The following GLIS3 variants were observed in gnomAD, a reference collection of about 807,000 sequenced individuals.
GLIS3 encodes zinc finger protein GLIS3.
A neutral mutation model predicts 78.6 loss-of-function variants in GLIS3; 53 were observed. That is an observed-to-expected ratio of 0.67 (90% CI 0.54 to 0.85). GLIS3 has a LOEUF of 0.85. Ranked by LOEUF, GLIS3 falls within the 40% of genes least tolerant of loss-of-function variation. The probability of loss-of-function intolerance (pLI) is 0.00; values close to 1 mark genes in which losing one functional copy is unlikely to be tolerated. For synonymous variants in GLIS3, 684 were observed against 509.9 expected, an observed-to-expected ratio of 1.34 and a Z score of -4.60; for missense variants, 1,703 against 1,231.1, an observed-to-expected ratio of 1.38 and a Z score of -5.74.
At chr9:4,433,784 G>A in the GLIS3 span, among the ~76,000 whole-genome samples, 4 of 152,204 alleles carry the variant, frequency 2.6e-5, no homozygotes, top group East Asian at 1.9e-4. Flanking sequence ...CTTGCTAGTG[G>A]TGTAATTTGT....
chr9:4,378,602 A>G, the GLIS3 span, among the ~76,000 whole-genome samples: 2 of 151,588 alleles, frequency 1.3e-5, no homozygotes, highest in Admixed American at 6.6e-5. Flanking sequence ...TACAATAACT[A>G]TATATATAAT....
chr9:4,133,512 G>A (rs1833133091), intron 2 of GLIS3, among the ~76,000 whole-genome samples: 1 of 152,124 alleles, frequency 6.6e-6, no homozygotes. Flanking sequence ...ACATAACACA[G>A]TAGCTAAGAG....
chr9:3,853,218 G>T (rs556419650), intron 9 of GLIS3, among the ~76,000 whole-genome samples: 1 of 152,046 alleles, frequency 6.6e-6, no homozygotes, highest in African/African-American at 2.4e-5. Flanking sequence ...AAAGTAAATT[G>T]TTTTTAATGT....
intron 4 of GLIS3, among the ~76,000 whole-genome samples, chr9:3,956,894 C>T (rs1017512491): frequency 1.3e-5 from 2 of 151,922 alleles, no homozygotes; most frequent in Non-Finnish European, 2.9e-5. Context: ...AACTCTCAGG[C>T]ACATCAATAA....
chr9:4,458,319 C>A, the GLIS3 span, among the ~76,000 whole-genome samples: 2 of 152,210 alleles, frequency 1.3e-5, no homozygotes, highest in Non-Finnish European at 2.9e-5. Flanking sequence ...AGTGACAAGG[C>A]AAAGGTCTCC....
chr9:3,917,256 T>G (rs1200792461), intron 6 of GLIS3, among the ~76,000 whole-genome samples: 3 of 152,196 alleles, frequency 2.0e-5, no homozygotes. Context: ...GGTACCAGCA[T>G]GTCATAGGAG....
chr9:4,172,015 A>G (rs185459714), intron 2 of GLIS3, among the ~76,000 whole-genome samples: 15 of 152,298 alleles, frequency 9.8e-5, no homozygotes, highest in Admixed American at 3.3e-4. Flanking sequence ...AATTCCAACA[A>G]TTAACATATC....
intron 4 of GLIS3, among the ~76,000 whole-genome samples, chr9:4,064,137 C>T (rs7035962): frequency 0.51 from 76,760 of 150,850 alleles, 22,493 homozygotes; most frequent in East Asian, 0.7. Context: ...CATATTGTCT[C>T]AATAGGAAAA....
intron 2 of GLIS3, among the ~76,000 whole-genome samples, chr9:4,269,183 G>C (rs1177326070): frequency 6.6e-6 from 1 of 152,060 alleles, no homozygotes; most frequent in East Asian, 1.9e-4. Context: ...CACTCTAAGG[G>C]ATCTCCTCTC....
At chr9:4,049,054 T>C (rs1233417453) in intron 4 of GLIS3, among the ~76,000 whole-genome samples, 1 of 152,160 alleles carries the variant, frequency 6.6e-6, no homozygotes, top group Non-Finnish European at 1.5e-5. Context: ...GGTGAGGTTC[T>C]AACCAAATAG....
the GLIS3 span, among the ~76,000 whole-genome samples, chr9:4,410,292 CTTT>C: frequency 4.8e-3 from 734 of 152,078 alleles, 6 homozygotes; most frequent in African/African-American, 0.016. Flanking sequence ...AAATTCAGTT[CTTT>C]ATTAGGGTTT....
the GLIS3 span, among the ~76,000 whole-genome samples, chr9:4,450,974 G>A: frequency 1.3e-5 from 2 of 152,132 alleles, no homozygotes; most frequent in South Asian, 2.1e-4. Context: ...ACATCATAAC[G>A]ACAGCATCAA....
At chr9:4,236,777 T>C (rs915109104) in intron 2 of GLIS3, among the ~76,000 whole-genome samples, 18 of 152,190 alleles carry the variant, frequency 1.2e-4, no homozygotes, top group African/African-American at 4.1e-4. Context: ...TTTCATCTAA[T>C]CCCTAAGTTT....
chr9:4,352,488 G>A (rs190755422), upstream of GLIS3, among the ~76,000 whole-genome samples: 4 of 152,260 alleles, frequency 2.6e-5, no homozygotes, highest in African/African-American at 4.8e-5. Context: ...TAAACCCAAG[G>A]GCCTTCCCTG....
At chr9:4,241,123 G>A (rs1043102450) in intron 2 of GLIS3, among the ~76,000 whole-genome samples, 8 of 152,110 alleles carry the variant, frequency 5.3e-5, no homozygotes, top group African/African-American at 1.9e-4. Context: ...AGAAAAACAA[G>A]GAAACCTGCT....
rs1252185542 is a variant in GLIS3 at position 3,999,766 on chromosome 9, C to T, written c.1711-62577G>A. ...TTTTCAAGGACCTTAATGAGCTTAT[C>T]CTGAAATGAATATGGAAGAATTAAC... On this transcript the variant is annotated intron_variant, in intron 4 of 10. Coordinates refer to ENST00000381971, the MANE Select transcript of GLIS3 (RefSeq NM_001042413.2). Among the ~76,000 whole-genome samples the T allele has an allele frequency of 2.0e-5, 3 of 152,018 alleles. No individual in the cohort carries two copies. The East Asian group carries it at 5.8e-4, about 29-fold the overall frequency.
chr9:4,348,503 C>T (rs950031732), upstream of GLIS3: 1 of 152,228 alleles, frequency 6.6e-6, no homozygotes, highest in Non-Finnish European at 1.5e-5. Context: ...AACTATTCTA[C>T]TTATATCTCA....
chr9:4,259,080 G>A (rs903372519), intron 2 of GLIS3, among the ~76,000 whole-genome samples: 1 of 151,912 alleles, frequency 6.6e-6, no homozygotes, highest in Non-Finnish European at 1.5e-5. Flanking sequence ...AAACATTCCA[G>A]ATACTTCTCT....
At chr9:4,100,734 G>A (rs1043885720) in intron 4 of GLIS3, among the ~76,000 whole-genome samples, 1 of 152,012 alleles carries the variant, frequency 6.6e-6, no homozygotes. Context: ...TTGAGGGGGG[G>A]ACAAAGGAAA....
Sources: gnomAD v4.1 joint callset for allele counts (sites outside exome capture counted in the v4.1 genomes callset) on GRCh38, gnomAD v4.1.1 for gene constraint, MANE v1.5 for transcripts, NCBI Gene and HGNC (gene_info 2026-07-23, HGNC 2026-07-21) for gene names.